RNF220: variants seen among roughly 807,000 people sequenced by gnomAD.
The protein encoded by RNF220 is E3 ubiquitin-protein ligase RNF220.
In RNF220, 7 loss-of-function variants were observed where a neutral mutation model predicts 67.1. That is an observed-to-expected ratio of 0.10 (90% CI 0.06 to 0.20). RNF220 has a LOEUF of 0.20. RNF220 is among the 10% of genes least tolerant of loss of function. The probability of loss-of-function intolerance (pLI) is 1.00; values close to 1 mark genes in which losing one functional copy is unlikely to be tolerated. For missense variants in RNF220, 565 were observed against 740.3 expected (o/e 0.76, Z 2.75); for synonymous variants, 270 against 283.2 (o/e 0.95, Z 0.47).
chr1:44,410,469 A>G (rs1557896843), intron 1 of RNF220: 1 of 152,252 alleles, frequency 6.6e-6, no homozygotes, highest in Non-Finnish European at 1.5e-5. Flanking sequence ...TGTGAGATAC[A>G]TAATCTGGTA....
At chr1:44,520,128 T>TGTGA (rs796131470) in intron 2 of RNF220, among the ~76,000 whole-genome samples, 2,822 of 113,272 alleles carry the variant, frequency 0.025, 42 homozygotes, top group Middle Eastern at 0.059. Flanking sequence ...TGTGTGTGTG[T>TGTGA]GAGAGAGAGA....
At chr1:44,614,976 C>G (rs1391989998) in intron 3 of RNF220, among the ~76,000 whole-genome samples, 1 of 152,194 alleles carries the variant, frequency 6.6e-6, no homozygotes, top group African/African-American at 2.4e-5. Context: ...GAGGAGATGG[C>G]TGATGTCTGC....
chr1:44,543,652 G>A (rs1036331400), intron 2 of RNF220, among the ~76,000 whole-genome samples: 1 of 152,070 alleles, frequency 6.6e-6, no homozygotes, highest in Non-Finnish European at 1.5e-5. Context: ...ACAAGAGTAC[G>A]TGACCGGGGT....
chr1:44,446,310 A>G (rs1652076479), intron 2 of RNF220, among the ~76,000 whole-genome samples: 1 of 152,246 alleles, frequency 6.6e-6, no homozygotes, highest in South Asian at 2.1e-4. Context: ...TTGTCAGTTC[A>G]TATAGAAAAG....
At chr1:44,593,603 T>C (rs1666262341) in intron 2 of RNF220, among the ~76,000 whole-genome samples, 1 of 150,786 alleles carries the variant, frequency 6.6e-6, no homozygotes, top group South Asian at 2.1e-4. Flanking sequence ...CAGGCCTGTA[T>C]CCCAGCTCCT....
intron 8 of RNF220, among the ~76,000 whole-genome samples, chr1:44,642,884 G>A (rs114909898): frequency 0.011 from 1,652 of 152,276 alleles, 33 homozygotes; most frequent in African/African-American, 0.037. Flanking sequence ...CTTGGGTGCC[G>A]CAAGCTGTAA....
At chr1:44,545,322 G>T (rs2148235830) in intron 2 of RNF220, among the ~76,000 whole-genome samples, 1 of 152,326 alleles carries the variant, frequency 6.6e-6, no homozygotes, top group East Asian at 1.9e-4. Flanking sequence ...TTTGAAAGGA[G>T]AAGAATTGTG....
intron 2 of RNF220, among the ~76,000 whole-genome samples, chr1:44,572,381 G>T (rs1350296881): frequency 6.6e-6 from 1 of 152,210 alleles, no homozygotes; most frequent in Non-Finnish European, 1.5e-5. Context: ...AAATTCACAA[G>T]GGAAGGGACT....
At chr1:44,526,290 AGTT>A (rs1660369719) in intron 2 of RNF220, among the ~76,000 whole-genome samples, 1 of 152,168 alleles carries the variant, frequency 6.6e-6, no homozygotes, top group Non-Finnish European at 1.5e-5. Flanking sequence ...TTCCCACAGC[AGTT>A]GTTGTAAACC....
intron 2 of RNF220, among the ~76,000 whole-genome samples, 157 bp from the exon 3 acceptor site, chr1:44,614,008 G>A (rs1643431853): frequency 6.6e-6 from 1 of 152,252 alleles, no homozygotes; most frequent in Non-Finnish European, 1.5e-5. Flanking sequence ...GCTGCAAGGA[G>A]GAGGGGTGCT....
At chr1:44,642,854 G>A (rs866707629) in intron 8 of RNF220, among the ~76,000 whole-genome samples, 1 of 152,190 alleles carries the variant, frequency 6.6e-6, no homozygotes, top group Non-Finnish European at 1.5e-5. Context: ...CGTGTACTTG[G>A]GGAAGGGGGG....
chr1:44,469,456 G>A (rs1030221933), intron 2 of RNF220, among the ~76,000 whole-genome samples: 1 of 152,096 alleles, frequency 6.6e-6, no homozygotes, highest in African/African-American at 2.4e-5. Flanking sequence ...GAAATGGAAG[G>A]GATCTTGGAG....
Position 44,405,371 on chromosome 1 carries a change from C to A in RNF220, c.-277C>A. On this transcript the variant is annotated 5_prime_UTR_variant, in exon 1 of 15. Coordinates refer to ENST00000361799, the MANE Select transcript of RNF220 (RefSeq NM_018150.4). ...CTCGCGAACACAAACCCGGGGCCAGCCGCCTACTGCTGCTGCTGCTGCTGC... is the reference window on the plus strand; with the variant it reads ...CTCGCGAACACAAACCCGGGGCCAGACGCCTACTGCTGCTGCTGCTGCTGC... The A allele has an allele frequency of 1.7e-6, 1 of 584,082 alleles. No individual in the cohort carries two copies. Among genetic ancestry groups the A allele is most frequent in the South Asian group, 1.8e-5 (1 of 55,106 alleles). The allele number at this position is 584,082 out of a possible 1,614,324, so 36.2% of individuals were successfully genotyped here.
At chr1:44,647,596 C>T (rs1384073152) in intron 12 of RNF220, among the ~76,000 whole-genome samples, 1 of 152,136 alleles carries the variant, frequency 6.6e-6, no homozygotes, top group African/African-American at 2.4e-5. Context: ...ATTTAAGTGT[C>T]CCTGATACAA....
chr1:44,404,978 T>C (rs2147783079), upstream of RNF220, among the ~76,000 whole-genome samples: 1 of 152,154 alleles, frequency 6.6e-6, no homozygotes, highest in South Asian at 2.1e-4. Flanking sequence ...CACTGAGACC[T>C]TTGCGGGTGG....
rs2148510036 is a variant in RNF220, at chr1:44,645,900, A to G, written c.1445+412A>G. Among the ~76,000 whole-genome samples, 1 of 152,342 alleles carries G rather than the reference A, an allele frequency of 6.6e-6. No homozygotes were observed. The highest frequency in any genetic ancestry group is 1.5e-5 in the Non-Finnish European group (1 of 68,028). On this transcript the variant is annotated intron_variant, in intron 12 of 14. Coordinates refer to ENST00000361799, the MANE Select transcript of RNF220 (RefSeq NM_018150.4). The surrounding 1 kb of genome is among the most constrained non-coding windows in gnomAD (Gnocchi z 5.0). ...CTCGCAGTGGATTTTAGGCAGGAACATTGGGTATCATCACTTCTGGTAGGA... is the reference window on the plus strand; with the variant it reads ...CTCGCAGTGGATTTTAGGCAGGAACGTTGGGTATCATCACTTCTGGTAGGA...
Position 44,622,695 on chromosome 1 carries a change from C to T in RNF220, c.759-47C>T. 6.4e-7 allele frequency: 1 copy of T among 1,568,528 alleles called. No individual in the cohort carries two copies. Among genetic ancestry groups the T allele is most frequent in the Non-Finnish European group, 8.8e-7 (1 of 1,138,740 alleles). On this transcript the variant is annotated intron_variant, in intron 3 of 14. Coordinates refer to ENST00000361799, the MANE Select transcript of RNF220 (RefSeq NM_018150.4). The surrounding 1 kb of genome is among the most constrained non-coding windows in gnomAD (Gnocchi z 4.3). ...TCTTGCTACTCTACCGTTGCATGCCCTGGGCAGCAGGTAGAATGGTTACCC... is the reference window on the plus strand; with the variant it reads ...TCTTGCTACTCTACCGTTGCATGCCTTGGGCAGCAGGTAGAATGGTTACCC...
At chr1:44,456,970 G>A (rs572834832) in intron 2 of RNF220, among the ~76,000 whole-genome samples, 3 of 151,912 alleles carry the variant, frequency 2.0e-5, no homozygotes, top group East Asian at 1.9e-4. Context: ...TGGAACACAC[G>A]TCCCCCCAAC....
chr1:44,524,930 A>T (rs967633526), intron 2 of RNF220, among the ~76,000 whole-genome samples: 3 of 152,212 alleles, frequency 2.0e-5, no homozygotes, highest in Non-Finnish European at 4.4e-5. Flanking sequence ...AGAGCCAGTT[A>T]TAAAACACAC....
Sources: allele counts gnomAD v4.1 joint callset (sites outside exome capture counted in the v4.1 genomes callset), GRCh38; gene constraint gnomAD v4.1.1; non-coding constraint Gnocchi (gnomAD v3.1); transcripts MANE v1.5; gene names NCBI Gene and HGNC (gene_info 2026-07-23, HGNC 2026-07-21).